LYPLA1: variants seen among roughly 807,000 people sequenced by gnomAD.
The protein encoded by LYPLA1 is lysophospholipase 1, also known as acyl-protein thioesterase 1.
In LYPLA1, 17 loss-of-function variants were observed where a neutral mutation model predicts 34.0. That is an observed-to-expected ratio of 0.50 (90% CI 0.34 to 0.75). LYPLA1 has a LOEUF of 0.75. Among genes scored for constraint, LYPLA1 ranks in the 30% least tolerant of loss-of-function variants. The pLI, the probability that LYPLA1 is intolerant of heterozygous loss-of-function variation, is 0.01. For missense variants in LYPLA1, 203 were observed against 288.8 expected, an observed-to-expected ratio of 0.70 and a Z score of 2.15; for synonymous variants, 98 against 100.8, an observed-to-expected ratio of 0.97 and a Z score of 0.17.
chr8:54,061,069 G>A (rs1455281853), intron 5 of LYPLA1, among the ~76,000 whole-genome samples: 1 of 151,552 alleles, frequency 6.6e-6, no homozygotes, highest in East Asian at 1.9e-4. Flanking sequence ...CTTTAATGAA[G>A]ATAACTGGCC....
chr8:54,065,488 A>AAAT (rs1265985858), intron 3 of LYPLA1, among the ~76,000 whole-genome samples: 24 of 147,172 alleles, frequency 1.6e-4, no homozygotes, highest in Admixed American at 1.5e-3. Flanking sequence ...ATAAATAAAT[A>AAAT]AAATAATTTT....
chr8:54,090,172 C>A (rs1179348531), intron 2 of LYPLA1, among the ~76,000 whole-genome samples: 2 of 152,198 alleles, frequency 1.3e-5, no homozygotes, highest in East Asian at 3.9e-4. Context: ...GGCGCCTGTC[C>A]ACATGGATAA....
In LYPLA1 at chr8:54,100,954, G is replaced by A. The variant is rs1810090455; in HGVS notation, c.70-15C>T. ...AGGAAAATCACCTATAAGAGAAGAG[G>A]AAAATTAATAAGCAATGCCTAAATA... On this transcript the variant is annotated splice_polypyrimidine_tract_variant and intron_variant, in intron 1 of 8. Coordinates refer to ENST00000316963, the MANE Select transcript of LYPLA1 (RefSeq NM_006330.4). 1.9e-6 allele frequency: 3 copies of A among 1,605,890 alleles called. No individual in the cohort carries two copies. Among genetic ancestry groups the A allele is most frequent in the Non-Finnish European group, 2.6e-6 (3 of 1,172,718 alleles).
chr8:54,086,438 T>TAAAAAAAAAAAAAAAA (rs768755796), intron 2 of LYPLA1, among the ~76,000 whole-genome samples: 2 of 34,692 alleles, frequency 5.8e-5, no homozygotes, highest in Non-Finnish European at 1.1e-4. Flanking sequence ...CTAAAAAAAT[T>TAAAAAAAAAAAAAAAA]AAAAAAAAAA....
At chr8:54,088,970 A>G (rs192519565) in intron 2 of LYPLA1, among the ~76,000 whole-genome samples, 3 of 152,372 alleles carry the variant, frequency 2.0e-5, no homozygotes, top group East Asian at 3.9e-4. Context: ...GAAAGAAGCC[A>G]GATGCAAAAG....
intron 2 of LYPLA1, among the ~76,000 whole-genome samples, chr8:54,081,886 C>T (rs1261437351): frequency 6.6e-6 from 1 of 152,058 alleles, no homozygotes; most frequent in Non-Finnish European, 1.5e-5. Context: ...TGTGCCACCA[C>T]ACCTGGCTAA....
At chr8:54,093,602 T>C (rs982464862) in intron 2 of LYPLA1, among the ~76,000 whole-genome samples, 11 of 152,340 alleles carry the variant, frequency 7.2e-5, no homozygotes, top group Admixed American at 5.9e-4. Flanking sequence ...TTAATCCATC[T>C]AGTTTGTGGT....
At chr8:54,090,902 A>G (rs1809190374) in intron 2 of LYPLA1, among the ~76,000 whole-genome samples, 2 of 152,100 alleles carry the variant, frequency 1.3e-5, no homozygotes, top group Non-Finnish European at 2.9e-5. Flanking sequence ...CCCTTCGCTC[A>G]GCTCTCATTT....
intron 2 of LYPLA1, among the ~76,000 whole-genome samples, chr8:54,072,317 T>A (rs564825314): frequency 1.3e-5 from 2 of 152,154 alleles, no homozygotes. Flanking sequence ...ATTTTAGACA[T>A]AGGACTTGTC....
chr8:54,086,438 T>TAAAAA (rs768755796), intron 2 of LYPLA1, among the ~76,000 whole-genome samples: 3 of 34,668 alleles, frequency 8.7e-5, no homozygotes, highest in Non-Finnish European at 1.6e-4. Context: ...CTAAAAAAAT[T>TAAAAA]AAAAAAAAAA....
intron 2 of LYPLA1, among the ~76,000 whole-genome samples, chr8:54,090,403 A>G (rs989706138): frequency 2.6e-5 from 4 of 152,216 alleles, no homozygotes; most frequent in African/African-American, 9.6e-5. Flanking sequence ...TTAAGGCTCT[A>G]TTAGAAATTA....
chr8:54,084,124 G>GAAAAAAAAAAAAAAAAA (rs201545035), intron 2 of LYPLA1, among the ~76,000 whole-genome samples: 3 of 56,376 alleles, frequency 5.3e-5, no homozygotes, highest in African/African-American at 1.8e-4. Context: ...GGAGACCAAA[G>GAAAAAAAAAAAAAAAAA]AAAAAAAAAA....
Position 54,101,759 on chromosome 8 carries a change from G to A in LYPLA1, c.65C>T (p.Ala22Val), listed in dbSNP as rs1298191425. 7.7e-7 allele frequency: 1 copy of A among 1,303,100 alleles called. No homozygotes were observed. Among genetic ancestry groups the A allele is most frequent in the Non-Finnish European group, 9.8e-7 (1 of 1,017,598 alleles). 80.7% of individuals were successfully genotyped at this position (1,303,100 alleles called of 1,614,324 possible). A position where few individuals can be genotyped will look rare whatever the true frequency, so the allele number is the denominator to read the frequency against. ...GCCCACGCCTACGCCACTCACCGCA[G>A]CGGTGGCCTTCCGGGCGGCGGGCAC... ...AIVPAARKAT[A>V]AVIFLHGLGD... Residue 22 changes from alanine (A) to valine (V), a missense_variant, in exon 1 of 9, where the codon GCT becomes GTT. Ala to Val is a moderately conservative substitution (Grantham distance 64). Transcript: ENST00000316963.
At chr8:54,099,506 T>A (rs1013923024) in intron 2 of LYPLA1, among the ~76,000 whole-genome samples, 3 of 152,094 alleles carry the variant, frequency 2.0e-5, no homozygotes, top group African/African-American at 7.2e-5. Context: ...GGCAAAACTC[T>A]GTCTCTACTA....
At chr8:54,070,072 T>A (rs79349087) in intron 2 of LYPLA1, among the ~76,000 whole-genome samples, 20,132 of 152,280 alleles carry the variant, frequency 0.13, 3,538 homozygotes, top group African/African-American at 0.41. Flanking sequence ...CGACTTTAGA[T>A]AACCTTTAGG....
At chr8:54,068,582 A>G (rs144849964) in intron 2 of LYPLA1, among the ~76,000 whole-genome samples, 5 of 152,342 alleles carry the variant, frequency 3.3e-5, no homozygotes, top group African/African-American at 1.2e-4. Context: ...TCTGAAACAA[A>G]TCAACAGGGA....
At chr8:54,088,091 T>C (rs570141841) in intron 2 of LYPLA1, among the ~76,000 whole-genome samples, 1 of 152,208 alleles carries the variant, frequency 6.6e-6, no homozygotes, top group African/African-American at 2.4e-5. Flanking sequence ...AAAACACTTT[T>C]AAATAAGGAA....
intron 2 of LYPLA1, among the ~76,000 whole-genome samples, chr8:54,091,356 C>T (rs1269091663): frequency 1.3e-5 from 2 of 151,890 alleles, no homozygotes; most frequent in African/African-American, 4.8e-5. Flanking sequence ...GGCACAGTGG[C>T]GGGCACCTGT....
chr8:54,076,693 CCA>C (rs1807932890), intron 2 of LYPLA1, among the ~76,000 whole-genome samples: 1 of 152,156 alleles, frequency 6.6e-6, no homozygotes, highest in Non-Finnish European at 1.5e-5. Context: ...CATTCTTAAG[CCA>C]CAAACAACAG....
Sources: allele counts gnomAD v4.1 joint callset (sites outside exome capture counted in the v4.1 genomes callset), GRCh38; gene constraint gnomAD v4.1.1; transcripts MANE v1.5; gene names NCBI Gene and HGNC (gene_info 2026-07-23, HGNC 2026-07-21).